Variants in STARD3NL observed in about 807,000 individuals in gnomAD.
STARD3NL encodes the protein STARD3 N-terminal-like protein.
STARD3NL carries 17 observed loss-of-function variants against 30.9 expected under a neutral mutation model. The observed-to-expected ratio is 0.55, with a 90% confidence interval of 0.38 to 0.82. The LOEUF (loss-of-function observed/expected upper bound fraction) is 0.82. STARD3NL is among the 40% of genes least tolerant of loss of function. The probability of loss-of-function intolerance (pLI) is 0.00; values close to 1 mark genes in which losing one functional copy is unlikely to be tolerated. For synonymous variants in STARD3NL, 112 were observed against 100.5 expected, an observed-to-expected ratio of 1.11 and a Z score of -0.69; for missense variants, 234 against 277.6, an observed-to-expected ratio of 0.84 and a Z score of 1.12.
chr7:38,185,985 C>T (rs1361111944), intron 1 of STARD3NL, among the ~76,000 whole-genome samples: 1 of 152,072 alleles, frequency 6.6e-6, no homozygotes, highest in Admixed American at 6.5e-5. Flanking sequence ...TTGAAAATTG[C>T]TTGTAGTAAG....
chr7:38,226,411 G>C (rs1462599597), intron 7 of STARD3NL, among the ~76,000 whole-genome samples: 3 of 152,000 alleles, frequency 2.0e-5, no homozygotes, highest in Admixed American at 1.3e-4. Context: ...AGTTACCCAT[G>C]TCTAGAGCCT....
In STARD3NL at chr7:38,217,199, A is replaced by G; in HGVS notation, c.447A>G (p.Gln149=). 1 of 1,613,934 alleles carries G rather than the reference A, an allele frequency of 6.2e-7. No individual in the cohort carries two copies. Among genetic ancestry groups the G allele is most frequent in the Non-Finnish European group, 8.5e-7 (1 of 1,179,946 alleles). Residue 149 remains glutamine, a synonymous_variant, in exon 6 of 9, where the codon CAA becomes CAG. Transcript: ENST00000009041. ...AKVILSKLFS[Q]GAFGYVLPII... Reference sequence around the variant, plus strand: ...GTCGTATTTTCCAGCTTTTCTCTCAAGGGGCTTTTGGCTATGTGCTGCCCA... The same window carrying G: ...GTCGTATTTTCCAGCTTTTCTCTCAGGGGGCTTTTGGCTATGTGCTGCCCA...
chr7:38,213,145 C>T (rs912012507), intron 2 of STARD3NL, among the ~76,000 whole-genome samples: 7 of 152,072 alleles, frequency 4.6e-5, no homozygotes, highest in African/African-American at 1.2e-4. Context: ...TGCTGTAGGC[C>T]GCTTGGAATA....
chr7:38,196,278 C>T (rs1350816948), intron 1 of STARD3NL, among the ~76,000 whole-genome samples: 1 of 151,762 alleles, frequency 6.6e-6, no homozygotes, highest in Non-Finnish European at 1.5e-5. Flanking sequence ...CACTCCTTTT[C>T]CTGTGTTTTC....
intron 7 of STARD3NL, among the ~76,000 whole-genome samples, chr7:38,222,073 C>G (rs1786495594): frequency 6.6e-6 from 1 of 151,658 alleles, no homozygotes; most frequent in Non-Finnish European, 1.5e-5. Flanking sequence ...TCTGTTTCTA[C>G]TGCGGGTTGT....
chr7:38,179,592 T>C (rs1784165197), intron 1 of STARD3NL, among the ~76,000 whole-genome samples: 1 of 152,202 alleles, frequency 6.6e-6, no homozygotes, highest in African/African-American at 2.4e-5. Context: ...ATGCCACTCA[T>C]TGTTTTAGGT....
intron 1 of STARD3NL, among the ~76,000 whole-genome samples, chr7:38,193,401 C>T (rs930102695): frequency 6.6e-6 from 1 of 152,074 alleles, no homozygotes; most frequent in Non-Finnish European, 1.5e-5. Flanking sequence ...TGGGTTCACG[C>T]CATCCTCCTG....
At chr7:38,204,140 A>G (rs1347109365) in intron 1 of STARD3NL, among the ~76,000 whole-genome samples, 5 of 152,220 alleles carry the variant, frequency 3.3e-5, no homozygotes, top group Non-Finnish European at 7.3e-5. Context: ...CAAACCTAAT[A>G]GACGTCTACA....
At chr7:38,206,664 GA>G (rs35318372) in intron 1 of STARD3NL, among the ~76,000 whole-genome samples, 1 of 152,170 alleles carries the variant, frequency 6.6e-6, no homozygotes, top group Non-Finnish European at 1.5e-5. Flanking sequence ...AAGAGGCCTA[GA>G]AACATGCTTG....
At chr7:38,225,922 G>A (rs1423635208) in intron 7 of STARD3NL, among the ~76,000 whole-genome samples, 1 of 152,160 alleles carries the variant, frequency 6.6e-6, no homozygotes, top group Non-Finnish European at 1.5e-5. Flanking sequence ...TATAAAATGT[G>A]TGGATTAATA....
rs745458803 is a variant in STARD3NL at position 38,217,224 on chromosome 7, A to G, written c.472A>G (p.Ile158Val). 16 of 1,614,028 alleles carry G rather than the reference A, an allele frequency of 9.9e-6. No individual in the cohort carries two copies. Among genetic ancestry groups the G allele is most frequent in the Non-Finnish European group, 1.3e-5 (15 of 1,179,956 alleles). The change falls in exon 6 of 9, where the codon ATC becomes GTC. Residue 158 changes from isoleucine to valine, a missense_variant. Ile to Val is a conservative substitution (Grantham distance 29). Coordinates refer to ENST00000009041, the MANE Select transcript of STARD3NL (RefSeq NM_032016.4). ...SQGAFGYVLP[I>V]ISFILAWIET... ...AGGGGCTTTTGGCTATGTGCTGCCC[A>G]TCATTTCATTCATCCTTGCCTGGAT... is the stretch of plus-strand genomic sequence containing the variant.
intron 1 of STARD3NL, among the ~76,000 whole-genome samples, chr7:38,199,534 A>G (rs1450260159): frequency 6.6e-6 from 1 of 152,146 alleles, no homozygotes; most frequent in Non-Finnish European, 1.5e-5. Flanking sequence ...AGTGAAGTGG[A>G]TAATTAAGGC....
rs1785546144 is a variant in STARD3NL, at chr7:38,207,437, T to C, written c.-58-10T>C. The C allele has an allele frequency of 7.5e-7, 1 of 1,341,908 alleles. No homozygotes were observed. Among genetic ancestry groups the C allele is most frequent in the South Asian group, 1.3e-5 (1 of 76,958 alleles). The allele number at this position is 1,341,908 out of a possible 1,614,324, so 83.1% of individuals were successfully genotyped here. A position where few individuals can be genotyped will look rare whatever the true frequency, so the allele number is the denominator to read the frequency against. ...GATTTAACATGGTGTCTCTTTTTTATTTCCCAAAGGTGTCTTCTCTTTAGG... is the reference window on the plus strand; with the variant it reads ...GATTTAACATGGTGTCTCTTTTTTACTTCCCAAAGGTGTCTTCTCTTTAGG... On this transcript the variant is annotated splice_polypyrimidine_tract_variant and intron_variant, in intron 1 of 8. Coordinates refer to ENST00000009041, the MANE Select transcript of STARD3NL (RefSeq NM_032016.4).
intron 1 of STARD3NL, among the ~76,000 whole-genome samples, chr7:38,194,154 T>C (rs1049969775): frequency 6.6e-6 from 1 of 152,154 alleles, no homozygotes; most frequent in Non-Finnish European, 1.5e-5. Flanking sequence ...TGACTTTAGT[T>C]ATGGTTTTCA....
At chr7:38,209,201 T>C (rs1785654681) in intron 2 of STARD3NL, among the ~76,000 whole-genome samples, 1 of 152,228 alleles carries the variant, frequency 6.6e-6, no homozygotes, top group Admixed American at 6.5e-5. Context: ...TTAAAGAAAA[T>C]ATTTTAATTA....
At chr7:38,197,936 T>C (rs1785000277) in intron 1 of STARD3NL, among the ~76,000 whole-genome samples, 1 of 152,212 alleles carries the variant, frequency 6.6e-6, no homozygotes, top group Non-Finnish European at 1.5e-5. Flanking sequence ...TTTTGTGTCA[T>C]TAACCAGGTC....
At chr7:38,201,411 T>C (rs1785170368) in intron 1 of STARD3NL, among the ~76,000 whole-genome samples, 1 of 152,200 alleles carries the variant, frequency 6.6e-6, no homozygotes, top group Admixed American at 6.5e-5. Context: ...TAATCTTTCT[T>C]ATTCACAAGA....
intron 7 of STARD3NL, among the ~76,000 whole-genome samples, chr7:38,226,308 AC>A (rs1786766710): frequency 1.3e-5 from 2 of 151,094 alleles, no homozygotes; most frequent in Admixed American, 1.3e-4. Flanking sequence ...AAATCTATAC[AC>A]CCTAGGATGT....
chr7:38,199,897 A>G (rs1785095407), intron 1 of STARD3NL, among the ~76,000 whole-genome samples: 1 of 152,158 alleles, frequency 6.6e-6, no homozygotes, highest in Admixed American at 6.5e-5. Context: ...GTGTATGAAA[A>G]TTCCATGACA....
Sources: gnomAD v4.1 joint callset for allele counts (sites outside exome capture counted in the v4.1 genomes callset) on GRCh38, gnomAD v4.1.1 for gene constraint, MANE v1.5 for transcripts, NCBI Gene and HGNC (gene_info 2026-07-23, HGNC 2026-07-21) for gene names.